The following ENPP6 variants were observed in gnomAD, a reference collection of about 807,000 sequenced individuals.
ENPP6 encodes ectonucleotide pyrophosphatase/phosphodiesterase 6, also known as glycerophosphocholine cholinephosphodiesterase ENPP6.
Under a neutral mutation model 42.0 loss-of-function variants are expected in ENPP6, and 32 were observed. The ratio of observed to expected loss-of-function variants is 0.76; its 90% CI spans 0.58 to 1.02. The LOEUF is 1.02. ENPP6 is among the 50% of genes least tolerant of loss of function. The probability of loss-of-function intolerance (pLI) is 0.00; values close to 1 mark genes in which losing one functional copy is unlikely to be tolerated. For missense variants in ENPP6, 552 were observed against 566.8 expected (o/e 0.97, Z 0.27); for synonymous variants, 213 against 216.0 (o/e 0.99, Z 0.12).
chr4:184,195,846 A>G (rs1732785421), intron 1 of ENPP6, among the ~76,000 whole-genome samples: 1 of 152,210 alleles, frequency 6.6e-6, no homozygotes, highest in African/African-American at 2.4e-5. Context: ...TAATTTATTA[A>G]TCTTCCCCTA....
intron 6 of ENPP6, among the ~76,000 whole-genome samples, chr4:184,102,167 T>A (rs760576045): frequency 6.6e-6 from 1 of 152,206 alleles, no homozygotes; most frequent in Non-Finnish European, 1.5e-5. Context: ...AGAAACCCAG[T>A]AAATACAGTT....
chr4:184,156,191 G>A (rs950849118), intron 1 of ENPP6, among the ~76,000 whole-genome samples: 1 of 152,172 alleles, frequency 6.6e-6, no homozygotes, highest in Non-Finnish European at 1.5e-5. Context: ...AGGGTGTGCT[G>A]TCCCCAGGGC....
intron 1 of ENPP6, among the ~76,000 whole-genome samples, chr4:184,156,196 C>T (rs1308878086): frequency 6.6e-6 from 1 of 152,158 alleles, no homozygotes; most frequent in African/African-American, 2.4e-5. Context: ...GTGCTGTCCC[C>T]AGGGCTTCCT....
chr4:184,142,284 G>A (rs192134043), intron 2 of ENPP6, among the ~76,000 whole-genome samples: 1 of 152,324 alleles, frequency 6.6e-6, no homozygotes, highest in African/African-American at 2.4e-5. Flanking sequence ...TAACCCCTGT[G>A]CGCTGCATTT....
At chr4:184,131,250 T>C (rs1301863912) in intron 2 of ENPP6, among the ~76,000 whole-genome samples, 5,348 of 58,938 alleles carry the variant, frequency 0.091, 482 homozygotes, top group African/African-American at 0.11. Flanking sequence ...CTTTCTTTCT[T>C]TCTCTTTCTC....
intron 6 of ENPP6, among the ~76,000 whole-genome samples, chr4:184,102,485 A>C (rs1269393888): frequency 1.3e-5 from 2 of 152,120 alleles, no homozygotes; most frequent in Admixed American, 1.3e-4. Context: ...ATTCCTTCCT[A>C]TTTCTCTCCA....
intron 2 of ENPP6, among the ~76,000 whole-genome samples, chr4:184,131,832 T>C (rs1383774009): frequency 1.1e-3 from 88 of 82,308 alleles, no homozygotes; most frequent in African/African-American, 3.8e-3. Context: ...CACATATATA[T>C]ATATATAAAG....
chr4:184,155,128 C>T (rs564238168), intron 1 of ENPP6, among the ~76,000 whole-genome samples: 2 of 152,274 alleles, frequency 1.3e-5, no homozygotes, highest in African/African-American at 4.8e-5. Context: ...TGATGACCCT[C>T]GCTCACCCTG....
chr4:184,161,281 A>G (rs1055003018), intron 1 of ENPP6, among the ~76,000 whole-genome samples: 1 of 152,264 alleles, frequency 6.6e-6, no homozygotes, highest in African/African-American at 2.4e-5. Context: ...CAGCAAACAC[A>G]TGAAAAAATG....
intron 1 of ENPP6, among the ~76,000 whole-genome samples, chr4:184,188,442 T>C (rs917236919): frequency 5.9e-5 from 9 of 152,132 alleles, no homozygotes; most frequent in Admixed American, 2.0e-4. Flanking sequence ...TCCCCCCAAA[T>C]TGACGATCTG....
chr4:184,201,144 G>T (rs1732889363), intron 1 of ENPP6, among the ~76,000 whole-genome samples: 1 of 152,166 alleles, frequency 6.6e-6, no homozygotes, highest in Non-Finnish European at 1.5e-5. Context: ...TCTGCCCCAG[G>T]TCTCTGCCTG....
At chr4:184,118,100 G>A (rs1181967664) in intron 3 of ENPP6, among the ~76,000 whole-genome samples, 200 bp from the exon 4 acceptor site, 1 of 152,224 alleles carries the variant, frequency 6.6e-6, no homozygotes, top group Non-Finnish European at 1.5e-5. Flanking sequence ...CTGGTCCTGA[G>A]CAATTCTTTG....
At chr4:184,110,565 T>C (rs190531191) in intron 6 of ENPP6, among the ~76,000 whole-genome samples, 2 of 152,324 alleles carry the variant, frequency 1.3e-5, no homozygotes, top group Admixed American at 1.3e-4. Context: ...TATATTTTTC[T>C]CCCTGATAAA....
At chr4:184,188,346 T>G (rs1732667119) in intron 1 of ENPP6, among the ~76,000 whole-genome samples, 1 of 150,724 alleles carries the variant, frequency 6.6e-6, no homozygotes, top group Non-Finnish European at 1.5e-5. Flanking sequence ...GTTAACCCAA[T>G]TCCTTCAACC....
chr4:184,106,292 C>T (rs1450563146), intron 6 of ENPP6, among the ~76,000 whole-genome samples: 1 of 152,190 alleles, frequency 6.6e-6, no homozygotes, highest in Non-Finnish European at 1.5e-5. Flanking sequence ...GCCTCAGCCT[C>T]CCAAAGTGCT....
chr4:184,135,111 C>T (rs1430865601), intron 2 of ENPP6, among the ~76,000 whole-genome samples: 1 of 151,934 alleles, frequency 6.6e-6, no homozygotes, highest in African/African-American at 2.4e-5. Flanking sequence ...GGTTTTATGG[C>T]TAACATATGA....
chr4:184,117,033 C>A lies in ENPP6; in HGVS notation c.678G>T (p.Glu226Asp), dbSNP rs1736328805. 1.2e-6 allele frequency: 2 copies of A among 1,614,084 alleles called. No homozygotes were observed. Among genetic ancestry groups the A allele is most frequent in the Admixed American group, 3.3e-5 (2 of 60,012 alleles). The change falls in exon 5 of 8, where the codon GAG becomes GAT. Residue 226 changes from glutamate to aspartate, a missense_variant and splice_region_variant. By Grantham distance (45) the Glu-to-Asp change is conservative. This residue lies in a region of ENPP6 where 545 missense variants were observed against 546.3 expected (regional missense o/e 1.00). Transcript: ENST00000296741. ...CGTTCAGGCGGTCCTGCAGGCCCCG[C>A]TCCTGTGGGGTGGGAAAAGACAGTC... Reference protein sequence around the residue: ...VLKYMTKWIQERGLQDRLNVI... With the variant: ...VLKYMTKWIQDRGLQDRLNVI...
rs558131165 is a variant in ENPP6, at chr4:184,208,894, C to G, written c.241+8685G>C. Among the ~76,000 whole-genome samples, 59 of 142,986 alleles carry G rather than the reference C, an allele frequency of 4.1e-4. 2 individuals carry two copies. Among genetic ancestry groups the G allele is most frequent in the South Asian group, 2.5e-3 (11 of 4,402 alleles). The allele number at this position is 142,986 out of a possible 152,430, so 93.8% of individuals were successfully genotyped here. A position where few individuals can be genotyped will look rare whatever the true frequency, so the allele number is the denominator to read the frequency against. On this transcript the variant is annotated intron_variant, in intron 1 of 7. Transcript: ENST00000296741. ...CAGCACGCAGCTGGAGATCTGAGAA[C>G]GGGCAGACTGCCTCCTCAAGTGGGT...
intron 2 of ENPP6, among the ~76,000 whole-genome samples, chr4:184,129,483 T>C (rs1736560164): frequency 6.6e-6 from 1 of 152,232 alleles, no homozygotes; most frequent in Non-Finnish European, 1.5e-5. Context: ...TCAAGACCTG[T>C]GTTTGAAAAA....
Sources: gnomAD v4.1 joint callset for allele counts (sites outside exome capture counted in the v4.1 genomes callset) on GRCh38, gnomAD v4.1.1 for gene constraint, gnomAD v4.1.1 regional missense constraint, MANE v1.5 for transcripts, NCBI Gene and HGNC (gene_info 2026-07-23, HGNC 2026-07-21) for gene names.